The following METTL15 variants were observed in gnomAD, a reference collection of about 807,000 sequenced individuals.
METTL15 encodes 12S rRNA N(4)-cytidine methyltransferase METTL15.
A neutral mutation model predicts 38.3 loss-of-function variants in METTL15; 34 were observed. The ratio of observed to expected loss-of-function variants is 0.89; its 90% CI spans 0.68 to 1.18. The LOEUF is 1.18. Ranked by LOEUF, METTL15 falls within the 50% of genes most tolerant of loss-of-function variation. The probability of loss-of-function intolerance (pLI) is 0.00; values close to 1 mark genes in which losing one functional copy is unlikely to be tolerated. For synonymous variants in METTL15, 162 were observed against 170.9 expected (o/e 0.95, Z 0.41); for missense variants, 438 against 498.4 (o/e 0.88, Z 1.15).
chr11:28,128,929 T>C (rs999564343), intron 3 of METTL15, among the ~76,000 whole-genome samples: 1 of 152,320 alleles, frequency 6.6e-6, no homozygotes, highest in Middle Eastern at 3.4e-3. Context: ...CCTTTGATGG[T>C]TTTCCTCTTT....
At chr11:28,282,256 G>A (rs944067993) in intron 4 of METTL15, among the ~76,000 whole-genome samples, 1 of 152,070 alleles carries the variant, frequency 6.6e-6, no homozygotes, top group African/African-American at 2.4e-5. Context: ...TTTCTGGCAC[G>A]GGAACCTTGC....
chr11:28,120,976 G>A (rs938115809), intron 3 of METTL15, among the ~76,000 whole-genome samples: 3 of 152,062 alleles, frequency 2.0e-5, no homozygotes, highest in African/African-American at 7.2e-5. Flanking sequence ...AGTCACGTCA[G>A]GGTAAATGGG....
chr11:28,367,803 C>CTGT, intron 5 of METTL15, among the ~76,000 whole-genome samples: 1 of 152,218 alleles, frequency 6.6e-6, no homozygotes, highest in Middle Eastern at 3.4e-3. Flanking sequence ...GCATCTACAA[C>CTGT]TATCTGATCT....
chr11:28,346,287 C>A (rs1190222661), intron 3 of METTL15, among the ~76,000 whole-genome samples: 1 of 152,168 alleles, frequency 6.6e-6, no homozygotes, highest in Non-Finnish European at 1.5e-5. Context: ...CTACACTGGG[C>A]ATCTTGAATC....
chr11:28,202,742 A>C (rs763162302), intron 3 of METTL15, among the ~76,000 whole-genome samples: 7 of 152,116 alleles, frequency 4.6e-5, no homozygotes, highest in Non-Finnish European at 7.4e-5. Flanking sequence ...CAAATTAGCA[A>C]TTGCCAGAAA....
chr11:28,207,320 G>C (rs369603892), intron 3 of METTL15, among the ~76,000 whole-genome samples: 82 of 152,130 alleles, frequency 5.4e-4, no homozygotes, highest in African/African-American at 1.9e-3. Flanking sequence ...TAGCATGAAG[G>C]GCTGTTGAAT....
At chr11:28,494,691 G>A (rs1851522214) in intron 6 of METTL15, among the ~76,000 whole-genome samples, 1 of 152,134 alleles carries the variant, frequency 6.6e-6, no homozygotes, top group Non-Finnish European at 1.5e-5. Flanking sequence ...GGTCTTTCCT[G>A]TTCTGTTCTC....
intron 6 of METTL15, among the ~76,000 whole-genome samples, chr11:28,521,387 C>T (rs763088378): frequency 5.9e-5 from 9 of 152,332 alleles, no homozygotes; most frequent in Middle Eastern, 3.4e-3. Context: ...CAAAAGAGCA[C>T]TATACCATCT....
At chr11:28,475,663 C>T (rs1180869590) in intron 6 of METTL15, among the ~76,000 whole-genome samples, 1 of 152,270 alleles carries the variant, frequency 6.6e-6, no homozygotes, top group Admixed American at 6.5e-5. Flanking sequence ...ATCTTTTAGG[C>T]TCCCAAGGTT....
At chr11:28,155,084 G>A (rs889162272) in intron 3 of METTL15, among the ~76,000 whole-genome samples, 1 of 152,086 alleles carries the variant, frequency 6.6e-6, no homozygotes, top group African/African-American at 2.4e-5. Flanking sequence ...TTAAAGGTAA[G>A]GTGTTCTCTA....
At chr11:28,301,944 T>C (rs961152373) in intron 6 of METTL15, among the ~76,000 whole-genome samples, 1 of 152,126 alleles carries the variant, frequency 6.6e-6, no homozygotes, top group African/African-American at 2.4e-5. Flanking sequence ...GGTCTCCTTC[T>C]GTCACCCAGG....
intron 6 of METTL15, among the ~76,000 whole-genome samples, chr11:28,306,399 A>T (rs1349450931): frequency 6.6e-6 from 1 of 152,068 alleles, no homozygotes; most frequent in Non-Finnish European, 1.5e-5. Flanking sequence ...TGTTCCTATA[A>T]CTAGTTATTC....
chr11:28,482,219 C>T (rs1851401508), intron 6 of METTL15, among the ~76,000 whole-genome samples: 1 of 152,188 alleles, frequency 6.6e-6, no homozygotes, highest in Admixed American at 6.5e-5. Context: ...GAGCCCTAGC[C>T]TTTTCCTGCA....
chr11:28,487,491 T>C (rs939437173), intron 6 of METTL15, among the ~76,000 whole-genome samples: 3 of 152,182 alleles, frequency 2.0e-5, no homozygotes, highest in African/African-American at 4.8e-5. Context: ...ATTAGATATT[T>C]AAAGTCCAGA....
intron 5 of METTL15, among the ~76,000 whole-genome samples, chr11:28,368,772 G>C (rs1200126613): frequency 6.6e-6 from 1 of 152,130 alleles, no homozygotes; most frequent in African/African-American, 2.4e-5. Context: ...ATCAATAATA[G>C]ACTGGATAAA....
chr11:28,431,808 G>GAAAAAAAAAAAAAAAAAAAAAA (rs1186274147), intron 6 of METTL15, among the ~76,000 whole-genome samples: 2 of 87,076 alleles, frequency 2.3e-5, no homozygotes, highest in African/African-American at 4.7e-5. Flanking sequence ...AAAAAAAAAA[G>GAAAAAAAAAAAAAAAAAAAAAA]AAAAAAAAAA....
intron 6 of METTL15, among the ~76,000 whole-genome samples, chr11:28,495,450 G>A (rs770363716): frequency 1.1e-3 from 163 of 152,290 alleles, no homozygotes; most frequent in Non-Finnish European, 1.7e-3. Context: ...CCCTATTAAA[G>A]ATGCTGAGCA....
intron 6 of METTL15, among the ~76,000 whole-genome samples, chr11:28,429,477 C>A (rs1181828950): frequency 7.4e-6 from 1 of 135,842 alleles, no homozygotes; most frequent in Non-Finnish European, 1.6e-5. Context: ...GCCTGATTCT[C>A]CTGCCTCAGC....
chr11:28,288,503 G>A lies in METTL15; in HGVS notation c.408-1703G>A, dbSNP rs547706250. ...AGCCATAAAACAGAATGAGAACATG[G>A]CCTTTGCAGGAACATGGATGGAGCT... On this transcript the variant is annotated intron_variant, in intron 4 of 6. Transcript: ENST00000407364. Among the ~76,000 whole-genome samples the A allele has an allele frequency of 6.5e-4, 99 of 152,248 alleles. 1 individual carries two copies. The highest frequency in any genetic ancestry group is 2.3e-3 in the African/African-American group (94 of 41,556).
Sources: allele counts gnomAD v4.1 joint callset (sites outside exome capture counted in the v4.1 genomes callset), GRCh38; gene constraint gnomAD v4.1.1; transcripts MANE v1.5; gene names NCBI Gene and HGNC (gene_info 2026-07-23, HGNC 2026-07-21).